Variants in FCHO2 observed in about 807,000 individuals in gnomAD.
FCHO2 encodes the protein FCH and mu domain containing endocytic adaptor 2.
FCHO2 carries 43 observed loss-of-function variants against 114.1 expected under a neutral mutation model. The ratio of observed to expected loss-of-function variants is 0.38; its 90% CI spans 0.30 to 0.49. FCHO2 has a LOEUF of 0.49. FCHO2 is among the 20% of genes least tolerant of loss of function. The pLI is 0.97. For missense variants in FCHO2, 807 were observed against 950.4 expected (o/e 0.85, Z 1.98); for synonymous variants, 293 against 315.2 (o/e 0.93, Z 0.75).
At chr5:73,048,873 T>G (rs1016042641) in intron 11 of FCHO2, among the ~76,000 whole-genome samples, 2 of 140,222 alleles carry the variant, frequency 1.4e-5, no homozygotes, top group Non-Finnish European at 3.1e-5. Context: ...TTGCTATCTT[T>G]TTTTTTTTTT....
intron 16 of FCHO2, 143 bp downstream of exon 16, chr5:73,056,250 A>G (rs1757587929): frequency 1.6e-6 from 1 of 625,356 alleles, no homozygotes; most frequent in Non-Finnish European, 2.7e-6. Flanking sequence ...TCTCACAGTC[A>G]AATTCTCTCA....
intron 10 of FCHO2, among the ~76,000 whole-genome samples, chr5:73,038,566 C>T (rs1471253512): frequency 3.3e-5 from 5 of 152,150 alleles, no homozygotes; most frequent in Non-Finnish European, 5.9e-5. Context: ...TTGATGGGCA[C>T]TCATATTTTT....
chr5:73,068,422 A>G (rs925029119), intron 18 of FCHO2, among the ~76,000 whole-genome samples: 34 of 152,056 alleles, frequency 2.2e-4, no homozygotes, highest in African/African-American at 8.2e-4. Flanking sequence ...AATACAGAAA[A>G]ATTTTTATGC....
At chr5:73,018,365 T>G (rs1222166395) in intron 8 of FCHO2, among the ~76,000 whole-genome samples, 1 of 152,222 alleles carries the variant, frequency 6.6e-6, no homozygotes, top group Non-Finnish European at 1.5e-5. Context: ...TTACATGTTA[T>G]AGCACACTCA....
At chr5:72,997,229 T>C in intron 5 of FCHO2, 1 of 1,159,298 alleles carries the variant, frequency 8.6e-7, no homozygotes, top group Non-Finnish European at 1.3e-6. Context: ...TGTCCGTTTC[T>C]TTGTACATTA....
intron 16 of FCHO2, among the ~76,000 whole-genome samples, chr5:73,056,487 T>C (rs194492): frequency 0.99 from 150,960 of 152,278 alleles, 74,829 homozygotes; most frequent in East Asian, 1. Flanking sequence ...TCCTTTTGTC[T>C]TTTTTTCTAG....
At chr5:72,979,614 A>G (rs973059579) in intron 2 of FCHO2, among the ~76,000 whole-genome samples, 2 of 151,002 alleles carry the variant, frequency 1.3e-5, no homozygotes, top group African/African-American at 4.9e-5. Context: ...GATGGTCTCG[A>G]TCTCCTGACC....
chr5:72,958,400 T>G (rs781027633), intron 1 of FCHO2, among the ~76,000 whole-genome samples: 12 of 152,232 alleles, frequency 7.9e-5, no homozygotes, highest in Non-Finnish European at 1.5e-4. Context: ...CTTTTGCAAT[T>G]GTGTATCCAG....
intron 4 of FCHO2, 33 bp downstream of exon 4, chr5:72,990,652 G>T: frequency 6.6e-7 from 1 of 1,526,080 alleles, no homozygotes; most frequent in Non-Finnish European, 8.8e-7. Flanking sequence ...ATAATTGATT[G>T]GTCAGATATT....
At chr5:73,055,996 T>A in intron 15 of FCHO2, 69 bp from the exon 16 acceptor site, 1 of 1,092,714 alleles carries the variant, frequency 9.2e-7, no homozygotes, top group Admixed American at 2.8e-5. Context: ...GTGTATAGAG[T>A]TTCTGTTTTT....
chr5:72,979,683 G>A (rs1471400634), intron 2 of FCHO2, among the ~76,000 whole-genome samples: 8 of 151,934 alleles, frequency 5.3e-5, no homozygotes, highest in South Asian at 2.1e-4. Context: ...GAGCCACCGC[G>A]CCCGGCCGAA....
At position 73,037,017 on chromosome 5, in the gene FCHO2, T is replaced by C. The variant is rs1756545775; in HGVS notation, c.842-126T>C. The C allele has an allele frequency of 2.7e-5, 14 of 511,338 alleles. No homozygotes were observed. In the East Asian group the frequency reaches 4.9e-4, roughly 18 times the overall value. 31.7% of individuals were successfully genotyped at this position (511,338 alleles called of 1,614,324 possible). On this transcript the variant is annotated intron_variant, in intron 9 of 25. Transcript: ENST00000430046. ...GTTGAGTGGTTGCTAACTTTATTTCTGTCATCCACATTTAGCATCAGCAGT... is the reference window on the plus strand; with the variant it reads ...GTTGAGTGGTTGCTAACTTTATTTCCGTCATCCACATTTAGCATCAGCAGT...
At chr5:72,964,347 GC>G (rs1178554949) in intron 1 of FCHO2, among the ~76,000 whole-genome samples, 7 of 152,112 alleles carry the variant, frequency 4.6e-5, no homozygotes, top group African/African-American at 1.7e-4. Context: ...TTTTGTACCT[GC>G]ATCAAATCGT....
intron 13 of FCHO2, 132 bp from the exon 14 acceptor site, chr5:73,054,028 C>A: frequency 2.0e-6 from 1 of 512,586 alleles, no homozygotes; most frequent in Non-Finnish European, 3.2e-6. Flanking sequence ...CTTTTTCCCA[C>A]CTGACAGTGT....
At chr5:73,013,789 C>T (rs1451463981) in intron 6 of FCHO2, among the ~76,000 whole-genome samples, 1 of 152,152 alleles carries the variant, frequency 6.6e-6, no homozygotes, top group Admixed American at 6.5e-5. Context: ...TGGGTTCAAG[C>T]TATTCTCTGC....
intron 11 of FCHO2, among the ~76,000 whole-genome samples, chr5:73,049,098 G>A (rs1038328647): frequency 2.0e-5 from 3 of 151,480 alleles, no homozygotes; most frequent in African/African-American, 4.8e-5. Context: ...GGATGGTCTC[G>A]ATCTCCTGAC....
chr5:72,979,393 T>C (rs1753061665), intron 2 of FCHO2, among the ~76,000 whole-genome samples: 1 of 121,074 alleles, frequency 8.3e-6, no homozygotes, highest in African/African-American at 3.1e-5. Context: ...TTTTTTTTTT[T>C]TTTTTTTTTT....
At chr5:73,049,633 T>C (rs1462598157) in intron 11 of FCHO2, among the ~76,000 whole-genome samples, 1 of 152,222 alleles carries the variant, frequency 6.6e-6, no homozygotes, top group Non-Finnish European at 1.5e-5. Flanking sequence ...TCTTTGACTT[T>C]GTGTATGTTA....
chr5:73,041,430 T>A (rs933737750), intron 11 of FCHO2, 115 bp downstream of exon 11: 10 of 589,656 alleles, frequency 1.7e-5, no homozygotes, highest in Non-Finnish European at 2.6e-5. Context: ...ACCATCATAT[T>A]GTAAATTCAC....
Sources: gnomAD v4.1 joint callset for allele counts (sites outside exome capture counted in the v4.1 genomes callset) on GRCh38, gnomAD v4.1.1 for gene constraint, MANE v1.5 for transcripts, NCBI Gene and HGNC (gene_info 2026-07-23, HGNC 2026-07-21) for gene names.